MBNL1: variants seen among roughly 807,000 people sequenced by gnomAD.
MBNL1 encodes muscleblind-like protein 1.
In MBNL1, 8 loss-of-function variants were observed where a neutral mutation model predicts 42.2. That is an observed-to-expected ratio of 0.19 (90% confidence interval 0.11 to 0.34). MBNL1 has a LOEUF of 0.34. MBNL1 is among the 10% of genes least tolerant of loss of function. The pLI is 1.00. For missense variants in MBNL1, 309 were observed against 495.3 expected (o/e 0.62, Z 3.57); for synonymous variants, 169 against 173.9 (o/e 0.97, Z 0.22).
chr3:152,397,897 T>C (rs2098046083), intron 2 of MBNL1, among the ~76,000 whole-genome samples: 2 of 152,218 alleles, frequency 1.3e-5, no homozygotes, highest in Non-Finnish European at 2.9e-5. Context: ...GTGTAATCAG[T>C]TCATTTTATT....
chr3:152,283,106 G>C (rs1317087517), intron 1 of MBNL1, among the ~76,000 whole-genome samples: 1 of 152,170 alleles, frequency 6.6e-6, no homozygotes, highest in Non-Finnish European at 1.5e-5. Flanking sequence ...CAGGAAGATA[G>C]GTTGCTGAAC....
chr3:152,417,990 G>A (rs1246235903), intron 3 of MBNL1, among the ~76,000 whole-genome samples: 5 of 152,096 alleles, frequency 3.3e-5, no homozygotes. Flanking sequence ...GCACAACACT[G>A]GGCTAACTTG....
At chr3:152,457,846 G>T in intron 8 of MBNL1, 2 of 345,452 alleles carry the variant, frequency 5.8e-6, no homozygotes, top group East Asian at 5.4e-5. Flanking sequence ...TTGGCCACCT[G>T]GGTTGTAGGG....
chr3:152,272,159 T>C (rs2042311757), intron 1 of MBNL1, among the ~76,000 whole-genome samples: 1 of 152,190 alleles, frequency 6.6e-6, no homozygotes, highest in Middle Eastern at 3.4e-3. Flanking sequence ...GAAAACAATA[T>C]TCTGGGAGAA....
chr3:152,361,335 GAC>G (rs2095928025), intron 2 of MBNL1, among the ~76,000 whole-genome samples: 1 of 151,772 alleles, frequency 6.6e-6, no homozygotes. Flanking sequence ...GGAAACAGAA[GAC>G]AGAGAGGCAG....
intron 4 of MBNL1, among the ~76,000 whole-genome samples, chr3:152,433,607 G>A (rs993196871): frequency 6.6e-6 from 1 of 151,842 alleles, no homozygotes; most frequent in African/African-American, 2.4e-5. Flanking sequence ...AAAATTAGTC[G>A]GGCGTGGTAG....
chr3:152,463,964 T>A lies in MBNL1; in HGVS notation c.*1598T>A, dbSNP rs568271325. On this transcript the variant is annotated 3_prime_UTR_variant, in exon 10 of 10. Coordinates refer to ENST00000324210, the MANE Select transcript of MBNL1 (RefSeq NM_021038.5). ...TAATATAAGACTGATGTGTTGATTT[T>A]ACTGATTGTACTGTACATCTATTAA... 38 of 152,724 alleles carry A rather than the reference T, an allele frequency of 2.5e-4. No individual in the cohort carries two copies. The highest frequency in any genetic ancestry group is 2.3e-3 in the Admixed American group (35 of 15,304). 9.5% of individuals were successfully genotyped at this position (152,724 alleles called of 1,614,324 possible).
At chr3:152,371,659 G>C (rs1310720574) in intron 2 of MBNL1, among the ~76,000 whole-genome samples, 4 of 152,200 alleles carry the variant, frequency 2.6e-5, no homozygotes, top group African/African-American at 9.7e-5. Flanking sequence ...TGTTTCCGCA[G>C]AGAAATCCAC....
intron 2 of MBNL1, among the ~76,000 whole-genome samples, chr3:152,383,497 G>A (rs1034721095): frequency 1.3e-5 from 2 of 151,996 alleles, no homozygotes; most frequent in Non-Finnish European, 2.9e-5. Flanking sequence ...TAGAGAATTA[G>A]AGAATTACTG....
chr3:152,302,113 T>G (rs891713410), intron 2 of MBNL1: 1 of 152,174 alleles, frequency 6.6e-6, no homozygotes, highest in Non-Finnish European at 1.5e-5. Flanking sequence ...AGTCCCTTTT[T>G]GAGTAAAGCA....
chr3:152,279,456 A>G (rs2047139565), intron 1 of MBNL1, among the ~76,000 whole-genome samples: 1 of 152,128 alleles, frequency 6.6e-6, no homozygotes, highest in Non-Finnish European at 1.5e-5. Flanking sequence ...CTTCACCCAT[A>G]CAACAACTGA....
intron 2 of MBNL1, among the ~76,000 whole-genome samples, chr3:152,405,824 T>A (rs1027861527): frequency 6.6e-6 from 1 of 152,160 alleles, no homozygotes. Flanking sequence ...AGCGCTAACA[T>A]TTATTATGTA....
intron 2 of MBNL1, among the ~76,000 whole-genome samples, chr3:152,328,914 A>G (rs2082225061): frequency 6.6e-6 from 1 of 152,190 alleles, no homozygotes; most frequent in African/African-American, 2.4e-5. Context: ...ATACATAAAT[A>G]TTGGCTATTT....
At chr3:152,368,019 T>C (rs530102705) in intron 2 of MBNL1, among the ~76,000 whole-genome samples, 11 of 152,038 alleles carry the variant, frequency 7.2e-5, no homozygotes, top group African/African-American at 2.7e-4. Flanking sequence ...TGCAGAAGCT[T>C]TTTAGTTTAA....
intron 2 of MBNL1, among the ~76,000 whole-genome samples, chr3:152,315,151 T>G (rs1208379360): frequency 6.6e-6 from 1 of 152,208 alleles, no homozygotes; most frequent in Non-Finnish European, 1.5e-5. Flanking sequence ...TAGGAGAAAG[T>G]ACAGGAGGAC....
At chr3:152,356,880 T>TGTGTGTGTGTGTGTG (rs1553865138) in intron 2 of MBNL1, among the ~76,000 whole-genome samples, 1 of 151,616 alleles carries the variant, frequency 6.6e-6, no homozygotes, top group Non-Finnish European at 1.5e-5. Flanking sequence ...TGTGTGTGTG[T>TGTGTGTGTGTGTGTG]TCTTACTGTA....
chr3:152,411,317 C>A (rs1050661298), intron 2 of MBNL1, among the ~76,000 whole-genome samples: 6 of 152,096 alleles, frequency 3.9e-5, no homozygotes, highest in African/African-American at 1.4e-4. Context: ...GTCAGGAGAT[C>A]GAGACCATCC....
At chr3:152,394,597 ACT>A (rs2097851719) in intron 2 of MBNL1, among the ~76,000 whole-genome samples, 1 of 152,096 alleles carries the variant, frequency 6.6e-6, no homozygotes, top group South Asian at 2.1e-4. Context: ...TTTATTCAGC[ACT>A]CTGTGGCACA....
intron 8 of MBNL1, chr3:152,458,398 C>T: frequency 1.8e-6 from 1 of 558,732 alleles, no homozygotes; most frequent in African/African-American, 1.9e-5. Flanking sequence ...TATCTGATTT[C>T]ATTATTCTCC....
Sources: gnomAD v4.1 joint callset for allele counts (sites outside exome capture counted in the v4.1 genomes callset) on GRCh38, gnomAD v4.1.1 for gene constraint, MANE v1.5 for transcripts, NCBI Gene and HGNC (gene_info 2026-07-23, HGNC 2026-07-21) for gene names.